The following NOTCH2NLA variants were observed in gnomAD, a reference collection of about 807,000 sequenced individuals.
The protein encoded by NOTCH2NLA is notch homolog 2 N-terminal-like protein A.
chr1:146,174,704 C>A (rs587698505), intron 2 of NOTCH2NLA, among the ~76,000 whole-genome samples: 2 of 144,214 alleles, frequency 1.4e-5, no homozygotes, highest in Non-Finnish European at 3.2e-5. Context: ...AACCCACTTT[C>A]TTCTTGCACT....
chr1:146,172,850 C>T (rs1553807306), intron 2 of NOTCH2NLA, among the ~76,000 whole-genome samples: 1 of 144,790 alleles, frequency 6.9e-6, no homozygotes, highest in African/African-American at 2.4e-5. Context: ...GTGTAGGTTC[C>T]CTGAATACCT....
intron 2 of NOTCH2NLA, among the ~76,000 whole-genome samples, chr1:146,187,835 T>G (rs1156238993): frequency 7.3e-6 from 1 of 136,734 alleles, no homozygotes; most frequent in African/African-American, 2.5e-5. Context: ...TAGAGGAGAA[T>G]GCACCACATT....
At chr1:146,180,336 A>T in intron 2 of NOTCH2NLA, among the ~76,000 whole-genome samples, 2 of 141,360 alleles carry the variant, frequency 1.4e-5, no homozygotes, top group East Asian at 2.0e-4. Context: ...AATATCACCC[A>T]TCACTTAAAT....
At chr1:146,186,355 T>TC (rs1315437443) in intron 2 of NOTCH2NLA, among the ~76,000 whole-genome samples, 1 of 72,556 alleles carries the variant, frequency 1.4e-5, no homozygotes, top group Non-Finnish European at 5.3e-5. Flanking sequence ...AGCTCCATTT[T>TC]CTTTTTTTTT....
rs1661977857 is a variant in NOTCH2NLA at position 146,171,453 on chromosome 1, T to G, written c.39-6443A>C. Among the ~76,000 whole-genome samples the G allele has an allele frequency of 3.0e-5, 4 of 133,788 alleles. 1 individual carries two copies. Among genetic ancestry groups the G allele is most frequent in the Non-Finnish European group, 6.9e-5 (4 of 57,956 alleles). 87.8% of individuals were successfully genotyped at this position (133,788 alleles called of 152,430 possible). On this transcript the variant is annotated intron_variant, in intron 2 of 4. Coordinates refer to ENST00000362074, the Ensembl canonical transcript of NOTCH2NLA. ...CTCAAAAAAAAAAAAAATTCACAGC[T>G]AGTAGATGGAAGAGGCAGGATTCAA...
At position 146,200,742 on chromosome 1, in the gene NOTCH2NLA, G is replaced by A. The variant is rs1262264484; in HGVS notation, c.-44-11361C>T. On this transcript the variant is annotated intron_variant, in intron 1 of 4. Coordinates refer to ENST00000362074, the Ensembl canonical transcript of NOTCH2NLA. ...TTAAGACTACTCAGATTTCTGCAGA[G>A]TTGTAGCAGTCATTTTAATAAAAAA... Among the ~76,000 whole-genome samples the A allele has an allele frequency of 2.4e-5, 3 of 125,916 alleles. 1 individual carries two copies. The highest frequency in any genetic ancestry group is 9.2e-5 in the African/African-American group (3 of 32,442). The allele number at this position is 125,916 out of a possible 152,430, so 82.6% of individuals were successfully genotyped here. A position where few individuals can be genotyped will look rare whatever the true frequency, so the allele number is the denominator to read the frequency against.
rs1164396871 is a variant in NOTCH2NLA at position 146,187,721 on chromosome 1, C to T, written c.38+1579G>A. On this transcript the variant is annotated intron_variant, in intron 2 of 4. Transcript: ENST00000362074. ...GAGTTGCATAACAGAATAAAGCAAG[C>T]AACTAACGCACCAAATGCCACAAAA... is the stretch of plus-strand genomic sequence containing the variant. Among the ~76,000 whole-genome samples, 2 of 135,492 alleles carry T rather than the reference C, an allele frequency of 1.5e-5. 1 individual carries two copies. The highest frequency in any genetic ancestry group is 3.4e-5 in the Non-Finnish European group (2 of 58,662). The allele number at this position is 135,492 out of a possible 152,430, so 88.9% of individuals were successfully genotyped here. A position where few individuals can be genotyped will look rare whatever the true frequency, so the allele number is the denominator to read the frequency against.
At position 146,161,951 on chromosome 1, in the gene NOTCH2NLA, GA is replaced by G. The variant is rs58019694; in HGVS notation, c.298+2799del. Among the ~76,000 whole-genome samples, 100 of 90,800 alleles carry G rather than the reference GA, an allele frequency of 1.1e-3. 20 individuals are homozygous for G. The East Asian group carries it at 0.015, about 14-fold the overall frequency. 59.6% of individuals were successfully genotyped at this position (90,800 alleles called of 152,430 possible). On this transcript the variant is annotated intron_variant, in intron 3 of 4. Coordinates refer to ENST00000362074, the Ensembl canonical transcript of NOTCH2NLA. The stretch of plus-strand genomic sequence containing the variant: ...CAAATGGTTTGGGCCTCTCCATCAG[GA>G]AAAAAAAAAACACAACCTGCTGAGG...
At chr1:146,157,714 A>C (rs1363588153) in intron 3 of NOTCH2NLA, among the ~76,000 whole-genome samples, 1 of 103,430 alleles carries the variant, frequency 9.7e-6, no homozygotes, top group Non-Finnish European at 2.0e-5. Context: ...TTTTCCACAA[A>C]ATATAGTTAC....
At chr1:146,162,196 G>A (rs1393214140) in intron 3 of NOTCH2NLA, among the ~76,000 whole-genome samples, 1 of 141,884 alleles carries the variant, frequency 7.0e-6, no homozygotes, top group African/African-American at 2.6e-5. Flanking sequence ...AAGATTTATT[G>A]ACTTCACATC....
chr1:146,159,736 G>A (rs10752815), intron 3 of NOTCH2NLA, among the ~76,000 whole-genome samples: 32 of 111,506 alleles, frequency 2.9e-4, no homozygotes, highest in Admixed American at 2.1e-3. Context: ...TTGGGAGGCC[G>A]AGGCGGGTGG....
At chr1:146,173,037 CA>C (rs1662075424) in intron 2 of NOTCH2NLA, among the ~76,000 whole-genome samples, 1 of 151,098 alleles carries the variant, frequency 6.6e-6, no homozygotes, top group Non-Finnish European at 1.5e-5. Context: ...AATTATCCTT[CA>C]CACCCCAGGA....
chr1:146,180,479 G>A (rs1364928102), intron 2 of NOTCH2NLA, among the ~76,000 whole-genome samples: 1 of 141,910 alleles, frequency 7.0e-6, no homozygotes, highest in Non-Finnish European at 1.6e-5. Context: ...GGAGAAGGCT[G>A]ATGGAGTCTA....
At chr1:146,159,991 AAAAAG>A (rs1571267554) in intron 3 of NOTCH2NLA, among the ~76,000 whole-genome samples, 1 of 137,342 alleles carries the variant, frequency 7.3e-6, no homozygotes, top group East Asian at 2.1e-4. Context: ...AAAAAAAAAA[AAAAAG>A]GTGATCAGAA....
exon 1 of NOTCH2NLA, chr1:146,228,939 C>G (rs1302660530): frequency 6.9e-7 from 1 of 1,451,806 alleles, no homozygotes; most frequent in African/African-American, 1.5e-5. Flanking sequence ...GCAAATGCCT[C>G]GACTCCCCGC....
At chr1:146,187,918 T>C (rs1424067597) in intron 2 of NOTCH2NLA, among the ~76,000 whole-genome samples, 1 of 136,534 alleles carries the variant, frequency 7.3e-6, no homozygotes, top group African/African-American at 2.5e-5. Context: ...TTTCCAATGT[T>C]ATCTTTATTC....
chr1:146,229,019 T>C (rs1664382618), exon 1 of NOTCH2NLA: 1 of 1,330,126 alleles, frequency 7.5e-7, no homozygotes, highest in Non-Finnish European at 9.8e-7. Flanking sequence ...CTTTCTCGGG[T>C]GTGCAGCGAA....
At chr1:146,159,394 A>AGAAAGAAT in intron 3 of NOTCH2NLA, among the ~76,000 whole-genome samples, 1 of 20,178 alleles carries the variant, frequency 5.0e-5, no homozygotes. Flanking sequence ...AGAAAGAGAG[A>AGAAAGAAT]GAAAGAAAGA....
intron 3 of NOTCH2NLA, among the ~76,000 whole-genome samples, chr1:146,161,866 T>C (rs1416688883): frequency 1.2e-5 from 1 of 85,702 alleles, no homozygotes; most frequent in Non-Finnish European, 2.2e-5. Flanking sequence ...CTCTTAGTAT[T>C]ACCATGCCCT....
Sources: gnomAD v4.1 joint callset for allele counts (sites outside exome capture counted in the v4.1 genomes callset) on GRCh38, gnomAD v4.1.1 for gene constraint, MANE v1.5 for transcripts, NCBI Gene and HGNC (gene_info 2026-07-23, HGNC 2026-07-21) for gene names.